Variants in SNX29 observed in about 807,000 individuals in gnomAD.
SNX29 encodes sorting nexin 29.
In SNX29, 78 loss-of-function variants were observed where a neutral mutation model predicts 102.1. The observed-to-expected ratio is 0.76, with a 90% CI of 0.64 to 0.92. SNX29 has a LOEUF of 0.92. SNX29 is among the 40% of genes least tolerant of loss of function. The pLI is 0.00. For synonymous variants in SNX29, 580 were observed against 414.5 expected, an observed-to-expected ratio of 1.40 and a Z score of -4.85; for missense variants, 1,280 against 1,061.7, an observed-to-expected ratio of 1.21 and a Z score of -2.86.
At chr16:12,195,141 G>T (rs2076742044) in intron 13 of SNX29, among the ~76,000 whole-genome samples, 1 of 152,126 alleles carries the variant, frequency 6.6e-6, no homozygotes, top group Admixed American at 6.6e-5. Flanking sequence ...TCAGTTAATG[G>T]TATATCAGTG....
chr16:12,382,994 G>A (rs1442945722), intron 16 of SNX29, among the ~76,000 whole-genome samples: 5 of 152,118 alleles, frequency 3.3e-5, no homozygotes, highest in Non-Finnish European at 7.4e-5. Context: ...ACATTTATAG[G>A]TTCTGAGGCT....
In SNX29 at chr16:12,566,952, A is replaced by T. The variant is rs544309841; in HGVS notation, c.2319-1554A>T. 2.6e-5 allele frequency among the ~76,000 whole-genome samples: 4 copies of T among 152,384 alleles called. No individual in the cohort carries two copies. The South Asian group carries it at 8.3e-4, about 32-fold the overall frequency. ...TTAGCTTATCAGGGTGTCAAACTTGAAACGAGGGATCTCACTCGCACAGTG... is the reference window on the plus strand; with the variant it reads ...TTAGCTTATCAGGGTGTCAAACTTGTAACGAGGGATCTCACTCGCACAGTG... On this transcript the variant is annotated intron_variant, in intron 20 of 20. Coordinates refer to ENST00000566228, the MANE Select transcript of SNX29 (RefSeq NM_032167.5).
chr16:12,452,483 G>A (rs893598625), intron 18 of SNX29, among the ~76,000 whole-genome samples: 5 of 148,756 alleles, frequency 3.4e-5, no homozygotes, highest in South Asian at 2.1e-4. Flanking sequence ...TGAGTACACC[G>A]CTCCGTAGAG....
rs566968337 is a variant in SNX29, at chr16:12,568,940, G to T, written c.*311G>T. 2 of 401,130 alleles carry T rather than the reference G, an allele frequency of 5.0e-6. No individual in the cohort carries two copies. Among genetic ancestry groups the T allele is most frequent in the East Asian group, 4.4e-5 (1 of 22,754 alleles). The allele number at this position is 401,130 out of a possible 1,614,324, so 24.8% of individuals were successfully genotyped here. ...TTCTGTAGTTCAGGGCTGGCAGGAG[G>T]GTGGGCACCAGGTCAGGCTGGGTGC... is the stretch of plus-strand genomic sequence containing the variant. On this transcript the variant is annotated 3_prime_UTR_variant, in exon 21 of 21. Coordinates refer to ENST00000566228, the MANE Select transcript of SNX29 (RefSeq NM_032167.5).
Position 12,446,649 on chromosome 16 carries a change from T to G in SNX29, c.2038-31070T>G, listed in dbSNP as rs79797126. On this transcript the variant is annotated intron_variant, in intron 18 of 20. Transcript: ENST00000566228. ...TGTGGAGGGGATTCCTTGCAGAGTT[T>G]CATGGCAGTGGAGCTCCTGTTGACT... is the stretch of plus-strand genomic sequence containing the variant. Among the ~76,000 whole-genome samples, 872 of 152,296 alleles carry G rather than the reference T, an allele frequency of 5.7e-3. 7 individuals carry two copies. Among genetic ancestry groups the G allele is most frequent in the Non-Finnish European group, 8.5e-3 (578 of 68,026 alleles).
intron 18 of SNX29, among the ~76,000 whole-genome samples, chr16:12,431,440 T>TC (rs2085311707): frequency 1.3e-5 from 2 of 151,084 alleles, no homozygotes; most frequent in Non-Finnish European, 2.9e-5. Flanking sequence ...TCTTCTTTTT[T>TC]TTTTTTTGTT....
intron 14 of SNX29, among the ~76,000 whole-genome samples, chr16:12,226,168 C>T (rs908439131): frequency 2.0e-5 from 3 of 152,134 alleles, no homozygotes; most frequent in African/African-American, 7.2e-5. Context: ...GAAAAGTGCT[C>T]TATGTGTTTA....
At chr16:12,280,454 C>G (rs2151022153) in intron 15 of SNX29, among the ~76,000 whole-genome samples, 1 of 152,304 alleles carries the variant, frequency 6.6e-6, no homozygotes, top group South Asian at 2.1e-4. Context: ...GTGGAACCAC[C>G]AAACGGGAGG....
chr16:12,196,845 T>C (rs1399658104), intron 13 of SNX29, among the ~76,000 whole-genome samples: 1 of 152,142 alleles, frequency 6.6e-6, no homozygotes, highest in Non-Finnish European at 1.5e-5. Context: ...GATCTCAAAC[T>C]CTTGGCCTCA....
intron 17 of SNX29, among the ~76,000 whole-genome samples, chr16:12,400,491 C>T (rs2083897480): frequency 6.6e-6 from 1 of 152,180 alleles, no homozygotes; most frequent in Non-Finnish European, 1.5e-5. Context: ...TCAGTGCTCT[C>T]CACAAATGCT....
At chr16:12,239,246 G>T (rs950137488) in intron 14 of SNX29, among the ~76,000 whole-genome samples, 3 of 152,172 alleles carry the variant, frequency 2.0e-5, no homozygotes, top group African/African-American at 7.2e-5. Flanking sequence ...TGCGTTCATT[G>T]TTTGTTGCCA....
Position 12,572,843 on chromosome 16 carries a change from C to T in SNX29, c.*4214C>T, listed in dbSNP as rs560689139. On this transcript the variant is annotated 3_prime_UTR_variant, in exon 21 of 21. Transcript: ENST00000566228. ...GCATCCCAGAAGGGGCAGCCTCATG[C>T]CCAGGTTTCAGCCCTAAAGGTAATG... 1.9e-6 allele frequency: 2 copies of T among 1,063,826 alleles called. No homozygotes were observed. The highest frequency in any genetic ancestry group is 1.1e-6 in the Non-Finnish European group (1 of 878,282). 65.9% of individuals were successfully genotyped at this position (1,063,826 alleles called of 1,614,324 possible).
intron 15 of SNX29, among the ~76,000 whole-genome samples, chr16:12,288,673 C>T (rs929949279): frequency 1.3e-4 from 17 of 134,082 alleles, no homozygotes; most frequent in African/African-American, 5.1e-4. Flanking sequence ...AGCGAGACAT[C>T]TGGGGAAAAA....
chr16:12,485,866 G>C (rs1567612892), intron 19 of SNX29, among the ~76,000 whole-genome samples: 1 of 152,232 alleles, frequency 6.6e-6, no homozygotes, highest in Admixed American at 6.5e-5. Context: ...GAGGCGAAAT[G>C]CTTGAGGGGC....
intron 16 of SNX29, among the ~76,000 whole-genome samples, chr16:12,382,627 C>T (rs1468716903): frequency 3.3e-5 from 5 of 152,232 alleles, no homozygotes; most frequent in African/African-American, 7.2e-5. Context: ...TTACCATAAA[C>T]GTGCTGGCTT....
At chr16:12,403,558 A>G (rs774040975) in intron 18 of SNX29, 29 bp downstream of exon 18, 4 of 1,580,492 alleles carry the variant, frequency 2.5e-6, no homozygotes, top group Non-Finnish European at 3.4e-6. Flanking sequence ...GGTGGACATC[A>G]CAGCTGGGTG....
intron 14 of SNX29, among the ~76,000 whole-genome samples, chr16:12,220,942 C>A (rs1009163967): frequency 1.5e-4 from 23 of 152,258 alleles, no homozygotes; most frequent in African/African-American, 5.5e-4. Context: ...GGTGGTAGCG[C>A]TGCACATTTT....
chr16:12,095,988 G>T (rs1357389334), intron 11 of SNX29, among the ~76,000 whole-genome samples: 1 of 152,242 alleles, frequency 6.6e-6, no homozygotes, highest in African/African-American at 2.4e-5. Flanking sequence ...ATGAAGTTGA[G>T]GAGTGCTGTA....
chr16:12,553,551 A>G (rs116247370), intron 20 of SNX29, among the ~76,000 whole-genome samples: 2,331 of 152,026 alleles, frequency 0.015, 55 homozygotes, highest in African/African-American at 0.053. Flanking sequence ...CACTGCAGGG[A>G]GCTAAGCAGG....
Sources: gnomAD v4.1 joint callset for allele counts (sites outside exome capture counted in the v4.1 genomes callset) on GRCh38, gnomAD v4.1.1 for gene constraint, MANE v1.5 for transcripts, NCBI Gene and HGNC (gene_info 2026-07-23, HGNC 2026-07-21) for gene names.